EFHB: variants seen among roughly 807,000 people sequenced by gnomAD.
EFHB encodes the protein EF-hand domain-containing family member B.
A neutral mutation model predicts 87.2 loss-of-function variants in EFHB; 91 were observed. The observed-to-expected ratio is 1.04, with a 90% confidence interval of 0.88 to 1.24. The LOEUF (loss-of-function observed/expected upper bound fraction) is 1.24. EFHB is among the 50% of genes most tolerant of loss of function. The pLI is 0.00. For missense variants in EFHB, 1,084 were observed against 998.8 expected, an observed-to-expected ratio of 1.09 and a Z score of -1.15; for synonymous variants, 325 against 333.6, an observed-to-expected ratio of 0.97 and a Z score of 0.28.
chr3:19,932,168 G>T lies in EFHB; in HGVS notation c.789+1062C>A, dbSNP rs145583742. ...TGTCATCTAAAAACCTCTCAAAAGT[G>T]CAGTCTCCTTTCTATTCTTTCTAAC... On this transcript the variant is annotated intron_variant, in intron 1 of 12. Coordinates refer to ENST00000295824, the MANE Select transcript of EFHB (RefSeq NM_144715.4). Among the ~76,000 whole-genome samples, 20 of 152,262 alleles carry T rather than the reference G, an allele frequency of 1.3e-4. No homozygotes were observed. The East Asian group carries it at 3.3e-3, about 25-fold the overall frequency.
At position 19,915,407 on chromosome 3, in the gene EFHB, G is replaced by C. The variant is rs373893654; in HGVS notation, c.1184C>G (p.Ser395Cys). Reference protein sequence around the residue: ...TFGTAVIKEYSAKDVVNPPKS... With the variant: ...TFGTAVIKEYCAKDVVNPPKS... The stretch of plus-strand genomic sequence containing the variant: ...TGGTGGATTCACCACATCTTTAGCA[G>C]AGTATTCTGAAGGAAGAATTAATAA... Residue 395 changes from serine to cysteine, a missense_variant, in exon 5 of 13, where the codon TCT becomes TGT. By Grantham distance (112) the Ser-to-Cys change is moderately radical. Transcript: ENST00000295824. The C allele has an allele frequency of 1.9e-5, 31 of 1,601,060 alleles. No individual in the cohort carries two copies. Among genetic ancestry groups the C allele is most frequent in the Non-Finnish European group, 2.6e-5 (30 of 1,171,170 alleles).
chr3:19,913,958 G>A (rs1695142834), intron 5 of EFHB, among the ~76,000 whole-genome samples: 1 of 152,122 alleles, frequency 6.6e-6, no homozygotes, highest in Admixed American at 6.6e-5. Flanking sequence ...AATAAATGGT[G>A]CTGGGAAAAC....
chr3:19,932,738 A>G (rs935713828), intron 1 of EFHB, among the ~76,000 whole-genome samples: 4 of 152,182 alleles, frequency 2.6e-5, no homozygotes, highest in Non-Finnish European at 5.9e-5. Flanking sequence ...ATCTGTCTCC[A>G]TTACTGGAGT....
At chr3:19,926,950 C>A (rs1011846752) in intron 1 of EFHB, among the ~76,000 whole-genome samples, 15 of 152,114 alleles carry the variant, frequency 9.9e-5, no homozygotes, top group Non-Finnish European at 1.9e-4. Flanking sequence ...ATGAGCCACC[C>A]CGCCCGGACT....
At chr3:19,927,513 G>A (rs765248551) in intron 1 of EFHB, among the ~76,000 whole-genome samples, 13 of 152,222 alleles carry the variant, frequency 8.5e-5, no homozygotes, top group South Asian at 2.1e-4. Context: ...ACCTTCACCC[G>A]CAACTAAACA....
At chr3:19,891,085 G>GCTT (rs376240188) in intron 9 of EFHB, among the ~76,000 whole-genome samples, 3,183 of 151,366 alleles carry the variant, frequency 0.021, 104 homozygotes, top group African/African-American at 0.074. Flanking sequence ...TGCTGCTGCT[G>GCTT]AGACAGGCTA....
At chr3:19,941,938 T>C (rs1177418333) in intron 1 of EFHB, among the ~76,000 whole-genome samples, 4 of 150,762 alleles carry the variant, frequency 2.7e-5, no homozygotes. Flanking sequence ...GCAGATCACC[T>C]GAAGTCAGGT....
intron 9 of EFHB, among the ~76,000 whole-genome samples, chr3:19,891,638 T>C (rs538933944): frequency 1.3e-5 from 2 of 152,258 alleles, no homozygotes; most frequent in East Asian, 3.9e-4. Flanking sequence ...TGGAAAACAA[T>C]AAAATAGCAG....
chr3:19,905,427 T>C (rs1694808068), intron 6 of EFHB, among the ~76,000 whole-genome samples, 193 bp downstream of exon 6: 1 of 152,246 alleles, frequency 6.6e-6, no homozygotes, highest in Non-Finnish European at 1.5e-5. Flanking sequence ...GTATCATTTT[T>C]ACCTCTGTAG....
intron 11 of EFHB, among the ~76,000 whole-genome samples, chr3:19,883,195 C>G (rs1451143495): frequency 6.6e-6 from 1 of 151,862 alleles, no homozygotes; most frequent in African/African-American, 2.4e-5. Flanking sequence ...GAGACAGGGT[C>G]TCACTATGTT....
intron 12 of EFHB, among the ~76,000 whole-genome samples, chr3:19,882,047 A>T (rs62279118): frequency 4.4e-4 from 45 of 102,104 alleles, no homozygotes; most frequent in Admixed American, 1.1e-3. Context: ...AAATAAATAA[A>T]TAAATAAATA....
chr3:19,945,952 G>A (rs577473937), intron 1 of EFHB: 6 of 152,230 alleles, frequency 3.9e-5, no homozygotes, highest in Non-Finnish European at 8.8e-5. Context: ...TTATTCTGAA[G>A]GAAAATCAAT....
Position 19,882,550 on chromosome 3 carries a change from C to A in EFHB, c.2328G>T (p.Glu776Asp). The change falls in exon 12 of 13, where the codon GAG (glutamate) becomes GAT (aspartate). Residue 776 changes from glutamate (E) to aspartate (D), a missense_variant and splice_region_variant. Transcript: ENST00000295824. ...RDFFKTRSKE[E>D]IAEILCNIGV... Reference sequence around the variant, plus strand: ...ATTTTTGTATGCTTATATGCTATACCTCTTCTTTTGATCTGGTCTTGAAGA... The same window carrying A: ...ATTTTTGTATGCTTATATGCTATACATCTTCTTTTGATCTGGTCTTGAAGA... The A allele has an allele frequency of 1.3e-6, 2 of 1,589,312 alleles. No individual in the cohort carries two copies. The highest frequency in any genetic ancestry group is 8.6e-7 in the Non-Finnish European group (1 of 1,165,410).
In EFHB at chr3:19,934,162, G is replaced by T; in HGVS notation, c.-144C>A. On this transcript the variant is annotated 5_prime_UTR_variant, in exon 1 of 13. Coordinates refer to ENST00000295824, the MANE Select transcript of EFHB (RefSeq NM_144715.4). ...ACCTCACTCGGACTCCCTGTCCATT[G>T]CTTCCTGCCTGCCTCTTAACACCTA... is the stretch of plus-strand genomic sequence containing the variant. The T allele has an allele frequency of 6.9e-7, 1 of 1,444,068 alleles. No individual in the cohort carries two copies. Among genetic ancestry groups the T allele is most frequent in the Non-Finnish European group, 9.0e-7 (1 of 1,106,334 alleles). The allele number at this position is 1,444,068 out of a possible 1,614,324, so 89.5% of individuals were successfully genotyped here.
At chr3:19,943,768 A>G (rs1049940358) in intron 1 of EFHB, among the ~76,000 whole-genome samples, 2 of 152,190 alleles carry the variant, frequency 1.3e-5, no homozygotes, top group African/African-American at 4.8e-5. Context: ...CCAAGAACCA[A>G]TCACAAGCAG....
Position 19,896,822 on chromosome 3 carries a change from A to G in EFHB, c.1590T>C (p.His530=), listed in dbSNP as rs1307911705. The change falls in exon 9 of 13, where the codon CAT becomes CAC. Residue 530 remains histidine, a synonymous_variant. Transcript: ENST00000295824. ...PEEYGVGDLI[H]NRLPDEYLRG... ...GAAGATATTCATCCGGAAGTCTATT[A>G]TGGATGAGATCACCAACTCCTATTG... 2.5e-6 allele frequency: 4 copies of G among 1,613,330 alleles called. No homozygotes were observed. Among genetic ancestry groups the G allele is most frequent in the Admixed American group, 1.7e-5 (1 of 59,962 alleles).
chr3:19,882,771 C>T (rs1382924914), intron 11 of EFHB, 40 bp from the exon 12 acceptor site: 3 of 1,578,266 alleles, frequency 1.9e-6, no homozygotes, highest in Non-Finnish European at 2.6e-6. Context: ...CATTCTAAAA[C>T]AAAGCTGTGT....
In EFHB at chr3:19,933,657, G is replaced by T; in HGVS notation, c.362C>A (p.Thr121Asn). The change falls in exon 1 of 13, where the codon ACC becomes AAC. Residue 121 changes from threonine (T) to asparagine (N), a missense_variant. Coordinates refer to ENST00000295824, the MANE Select transcript of EFHB (RefSeq NM_144715.4). The stretch of plus-strand genomic sequence containing the variant: ...AGGAGGCTGTATTATCCGTTCATGG[G>T]TATATCCTGCAAGAAGACTCTCATT... Reference protein sequence around the residue: ...LENESLLAGYTHERIIQPPLG... With the variant: ...LENESLLAGYNHERIIQPPLG... 6.2e-7 allele frequency: 1 copy of T among 1,613,974 alleles called. No individual in the cohort carries two copies. Among genetic ancestry groups the T allele is most frequent in the Non-Finnish European group, 8.5e-7 (1 of 1,179,886 alleles).
At chr3:19,908,612 G>GA (rs1474744193) in intron 5 of EFHB, among the ~76,000 whole-genome samples, 1,853 of 142,994 alleles carry the variant, frequency 0.013, 52 homozygotes, top group African/African-American at 0.048. Context: ...AAGAAAGAAA[G>GA]AAAGAAAGAA....
Sources: gnomAD v4.1 joint callset for allele counts (sites outside exome capture counted in the v4.1 genomes callset) on GRCh38, gnomAD v4.1.1 for gene constraint, MANE v1.5 for transcripts, NCBI Gene and HGNC (gene_info 2026-07-23, HGNC 2026-07-21) for gene names.